Variants in NLGN4X observed in about 807,000 individuals in gnomAD.
The protein encoded by NLGN4X is neuroligin 4 X-linked.
NLGN4X carries 3 observed loss-of-function variants against 40.3 expected under a neutral mutation model. The ratio of observed to expected loss-of-function variants is 0.07; its 90% CI spans 0.03 to 0.19. NLGN4X has a LOEUF of 0.19. NLGN4X is among the 10% of genes least tolerant of loss of function. The pLI, the probability that NLGN4X is intolerant of heterozygous loss-of-function variation, is 1.00. For synonymous variants in NLGN4X, 270 were observed against 306.8 expected (o/e 0.88, Z 1.25); for missense variants, 382 against 708.3 (o/e 0.54, Z 5.23).
chrX:5,929,833 C>T (rs916408497), intron 3 of NLGN4X, among the ~76,000 whole-genome samples: 22 of 112,321 alleles, frequency 2.0e-4, no homozygotes, highest in Non-Finnish European at 1.3e-4. Flanking sequence ...ACAGGGAAAC[C>T]TGTGGATTTT....
At chrX:5,965,911 A>C (rs2034820189) in intron 3 of NLGN4X, among the ~76,000 whole-genome samples, 1 of 111,818 alleles carries the variant, frequency 8.9e-6, no homozygotes, top group South Asian at 3.8e-4. Context: ...CCCATAAAAA[A>C]TCCAAGAAGC....
At chrX:6,010,613 C>T (rs1452556962) in intron 3 of NLGN4X, among the ~76,000 whole-genome samples, 1 of 107,447 alleles carries the variant, frequency 9.3e-6, no homozygotes, top group Non-Finnish European at 1.9e-5. Context: ...ATTACAACCT[C>T]CGCCTCCCAG....
intron 1 of NLGN4X, among the ~76,000 whole-genome samples, chrX:6,164,362 A>C (rs2040458722): frequency 8.9e-6 from 1 of 112,517 alleles, no homozygotes; most frequent in Admixed American, 9.4e-5. Context: ...GAAATATTTA[A>C]GCCAGAGTGG....
rs188202699 is a variant in NLGN4X, at chrX:6,030,264, T to C, written c.473-832A>G. ...ATGTAAAAACAATGATCTGTGATGA[T>C]AGAAAGTTGGAGACCATCTGTAGGG... On this transcript the variant is annotated intron_variant, in intron 2 of 5. Coordinates refer to ENST00000381095, the MANE Select transcript of NLGN4X (RefSeq NM_181332.3). Among the ~76,000 whole-genome samples the C allele has an allele frequency of 3.9e-3, 440 of 111,627 alleles. 4 individuals carry two copies. The highest frequency in any genetic ancestry group is 0.013 in the African/African-American group (412 of 30,798).
At chrX:5,945,088 T>C (rs1043105389) in intron 3 of NLGN4X, among the ~76,000 whole-genome samples, 1 of 112,200 alleles carries the variant, frequency 8.9e-6, no homozygotes, top group African/African-American at 3.2e-5. Context: ...TACATTTATC[T>C]TGTTGTAGTG....
chrX:6,041,978 T>C (rs1347067344), intron 2 of NLGN4X, among the ~76,000 whole-genome samples: 2 of 112,251 alleles, frequency 1.8e-5, no homozygotes, highest in Non-Finnish European at 3.8e-5. Context: ...TAAATTATAA[T>C]TCATGACGTG....
chrX:6,218,413 T>C (rs1396127371), intron 1 of NLGN4X, among the ~76,000 whole-genome samples: 2 of 110,629 alleles, frequency 1.8e-5, no homozygotes, highest in African/African-American at 6.6e-5. Flanking sequence ...GAAAGATGTA[T>C]GAAGACTGAA....
chrX:6,045,750 A>T (rs2147273528), intron 2 of NLGN4X, among the ~76,000 whole-genome samples: 1 of 112,254 alleles, frequency 8.9e-6, no homozygotes, highest in Non-Finnish European at 1.9e-5. Context: ...ACAAATAGGA[A>T]AAGAAATGTT....
chrX:6,046,475 A>G (rs2037320738), intron 2 of NLGN4X, among the ~76,000 whole-genome samples: 1 of 111,655 alleles, frequency 9.0e-6, no homozygotes, highest in Non-Finnish European at 1.9e-5. Context: ...AATTTGAAAA[A>G]AGAGGGAGTT....
intron 2 of NLGN4X, among the ~76,000 whole-genome samples, chrX:6,128,874 T>A (rs759617200): frequency 8.9e-6 from 1 of 112,332 alleles, no homozygotes; most frequent in Admixed American, 9.5e-5. Flanking sequence ...AACAACTATA[T>A]ATATATGCAT....
chrX:6,034,967 A>G (rs745736782), intron 2 of NLGN4X, among the ~76,000 whole-genome samples: 1 of 111,616 alleles, frequency 9.0e-6, no homozygotes, highest in Non-Finnish European at 1.9e-5. Context: ...TTGGCCTCCT[A>G]AAGTGCTGGG....
intron 1 of NLGN4X, among the ~76,000 whole-genome samples, chrX:6,215,225 T>C (rs779916021): frequency 7.5e-4 from 84 of 112,171 alleles, no homozygotes; most frequent in African/African-American, 2.3e-3. Flanking sequence ...GGGTATTCCT[T>C]TTTCATTGCA....
chrX:6,215,893 T>G (rs1438214870), intron 1 of NLGN4X, among the ~76,000 whole-genome samples: 1 of 102,763 alleles, frequency 9.7e-6, no homozygotes, highest in Non-Finnish European at 2.0e-5. Context: ...TTTTTTTTTT[T>G]TGAGAGAGAG....
intron 2 of NLGN4X, among the ~76,000 whole-genome samples, chrX:6,140,151 T>G (rs183728607): frequency 1.8e-5 from 2 of 111,509 alleles, no homozygotes; most frequent in East Asian, 5.7e-4. Flanking sequence ...TTTCATATCT[T>G]GTTGAAACCC....
At chrX:6,129,158 T>A (rs1295233075) in intron 2 of NLGN4X, among the ~76,000 whole-genome samples, 1 of 112,167 alleles carries the variant, frequency 8.9e-6, no homozygotes, top group Non-Finnish European at 1.9e-5. Context: ...AACTGAAATC[T>A]TCCTTTCAAA....
rs1158887958 is a variant in NLGN4X at position 6,057,795 on chromosome X, AT to A, written c.473-28364del. Among the ~76,000 whole-genome samples the A allele has an allele frequency of 9.8e-5, 11 of 111,947 alleles. No homozygotes were observed. In the East Asian group the frequency reaches 3.1e-3, roughly 31 times the overall value. On this transcript the variant is annotated intron_variant, in intron 2 of 5. Transcript: ENST00000381095. ...AGGGAAGATGATCTAGAAATAGACC[AT>A]AAAAAAGAAGCCCTTGCTCCCAAAT...
chrX:6,045,721 A>G (rs938745321), intron 2 of NLGN4X, among the ~76,000 whole-genome samples: 22 of 112,015 alleles, frequency 2.0e-4, no homozygotes, highest in African/African-American at 7.1e-4. Context: ...TTGGCAGGAA[A>G]TCCTTTTTAA....
intron 1 of NLGN4X, among the ~76,000 whole-genome samples, chrX:6,179,904 C>T (rs1242519213): frequency 5.4e-5 from 6 of 111,729 alleles, no homozygotes; most frequent in Non-Finnish European, 1.1e-4. Flanking sequence ...CTCATAAGCA[C>T]GTTCCTTACT....
intron 3 of NLGN4X, among the ~76,000 whole-genome samples, chrX:5,985,080 A>C (rs946912937): frequency 2.7e-5 from 3 of 112,183 alleles, no homozygotes; most frequent in African/African-American, 9.7e-5. Flanking sequence ...CATGGAGCTA[A>C]AATACACTGA....
Sources: gnomAD v4.1 joint callset for allele counts (sites outside exome capture counted in the v4.1 genomes callset) on GRCh38, gnomAD v4.1.1 for gene constraint, MANE v1.5 for transcripts, NCBI Gene and HGNC (gene_info 2026-07-23, HGNC 2026-07-21) for gene names.